The following PXDN variants were observed in gnomAD, a reference collection of about 807,000 sequenced individuals.
PXDN encodes peroxidasin, also known as peroxidasin homolog.
Under a neutral mutation model 140.3 loss-of-function variants are expected in PXDN, and 77 were observed. The observed-to-expected ratio is 0.55, with a 90% confidence interval of 0.46 to 0.66. PXDN has a LOEUF of 0.66. PXDN is among the 30% of genes least tolerant of loss of function. PXDN has a pLI of 0.00. For synonymous variants in PXDN, 911 were observed against 857.4 expected (o/e 1.06, Z -1.09); for missense variants, 1,838 against 2,039.5 (o/e 0.90, Z 1.90).
chr2:1,727,875 T>G (rs1344840714), intron 1 of PXDN, among the ~76,000 whole-genome samples: 1 of 152,252 alleles, frequency 6.6e-6, no homozygotes, highest in Admixed American at 6.5e-5. Context: ...GAAGATTGGT[T>G]AAGGACTGCT....
chr2:1,705,326 T>C (rs1684570500), intron 1 of PXDN, among the ~76,000 whole-genome samples: 2 of 152,154 alleles, frequency 1.3e-5, no homozygotes, highest in Admixed American at 6.5e-5. Flanking sequence ...GAGGCAGCCA[T>C]GTGCCACTCC....
chr2:1,634,587 C>T (rs538479000), intron 22 of PXDN, among the ~76,000 whole-genome samples: 9 of 152,306 alleles, frequency 5.9e-5, no homozygotes, highest in African/African-American at 1.9e-4. Context: ...TCCATGCCCA[C>T]GGTCCTCTCA....
At chr2:1,682,666 G>A (rs753095978) in intron 6 of PXDN, among the ~76,000 whole-genome samples, 1 of 152,254 alleles carries the variant, frequency 6.6e-6, no homozygotes, top group Non-Finnish European at 1.5e-5. Flanking sequence ...GAGGCCGGGT[G>A]CGGTGGCTCA....
Position 1,693,841 on chromosome 2 carries a change from A to G in PXDN, c.201-707T>C, listed in dbSNP as rs1558511856. 2.0e-5 allele frequency among the ~76,000 whole-genome samples: 3 copies of G among 152,180 alleles called. No individual in the cohort carries two copies. The East Asian group carries it at 5.8e-4, about 29-fold the overall frequency. ...ACTGAATCTGGTGCTGGAAAGAGAA[A>G]CACTTCAATTCCTGCTAATCTGATG... On this transcript the variant is annotated intron_variant, in intron 1 of 22. Coordinates refer to ENST00000252804, the MANE Select transcript of PXDN (RefSeq NM_012293.3).
At position 1,658,791 on chromosome 2, in the gene PXDN, C is replaced by G. The variant is rs1409354223; in HGVS notation, c.1837+2090G>C. On this transcript the variant is annotated intron_variant, in intron 14 of 22. Transcript: ENST00000252804. ...CGGGCTCATTCTGACCCCAGGACCC[C>G]CCCACTCTACTCTCCCAGACCAGGC... Among the ~76,000 whole-genome samples the G allele has an allele frequency of 2.9e-5, 4 of 138,774 alleles. No homozygotes were observed. In the East Asian group the frequency reaches 7.3e-4, roughly 25 times the overall value. 91.0% of individuals were successfully genotyped at this position (138,774 alleles called of 152,430 possible). A position where few individuals can be genotyped will look rare whatever the true frequency, so the allele number is the denominator to read the frequency against.
intron 1 of PXDN, among the ~76,000 whole-genome samples, chr2:1,737,169 A>G (rs1685440594): frequency 1.3e-5 from 2 of 152,282 alleles, no homozygotes; most frequent in South Asian, 4.2e-4. Flanking sequence ...TCTGGAATAA[A>G]CAAGACACCA....
At chr2:1,717,006 G>A (rs923914149) in intron 1 of PXDN, among the ~76,000 whole-genome samples, 3 of 152,138 alleles carry the variant, frequency 2.0e-5, no homozygotes, top group African/African-American at 4.8e-5. Context: ...ACTCTCAACA[G>A]CCCCTTGGTA....
At chr2:1,688,373 C>T (rs1294638416) in intron 3 of PXDN, among the ~76,000 whole-genome samples, 2 of 152,352 alleles carry the variant, frequency 1.3e-5, no homozygotes, top group Middle Eastern at 3.4e-3. Context: ...GCTGCGCTGG[C>T]GCTGTGTGGC....
At chr2:1,661,161 G>A (rs1349571549) in intron 13 of PXDN, 124 bp from the exon 14 acceptor site, 44 of 1,147,682 alleles carry the variant, frequency 3.8e-5, no homozygotes, top group Non-Finnish European at 4.7e-5. Context: ...CCCAGGCTGC[G>A]CTCAGATCCA....
rs1015645414 is a variant in PXDN, at chr2:1,639,475, G to A, written c.3953-53C>T. On this transcript the variant is annotated intron_variant, in intron 19 of 22. Transcript: ENST00000252804. The surrounding 1 kb of genome is among the most constrained non-coding windows in gnomAD (Gnocchi z 5.0). ...CAGCTCTGAAGGCTCTGACCTCGGG[G>A]AAATTAAGCACATCCTGCCAACTAT... The A allele has an allele frequency of 7.6e-5, 123 of 1,608,022 alleles. No individual in the cohort carries two copies. Among genetic ancestry groups the A allele is most frequent in the Non-Finnish European group, 9.8e-5 (115 of 1,175,566 alleles).
Position 1,648,541 on chromosome 2 carries a change from A to T in PXDN, c.3239T>A (p.Leu1080Gln). 6.2e-7 allele frequency: 1 copy of T among 1,613,704 alleles called. No individual in the cohort carries two copies. The highest frequency in any genetic ancestry group is 8.5e-7 in the Non-Finnish European group (1 of 1,179,900). ...GAAGTTCTCGTCCAGCCGGTAAAGC[A>T]GTGGGTTGACAAGCGTGTGGCCAAA... ...FRFGHTLVNP[L>Q]LYRLDENFQP... The change falls in exon 17 of 23, where the codon CTG becomes CAG. Residue 1080 changes from leucine (L) to glutamine (Q), a missense_variant. By Grantham distance (113) the Leu-to-Gln change is moderately radical (BLOSUM62 -2). Transcript: ENST00000252804. This position sits in a 1 kb window ranked among gnomAD's most constrained non-coding sequence, Gnocchi z 8.9.
At chr2:1,668,093 C>T (rs887631745) in intron 9 of PXDN, among the ~76,000 whole-genome samples, 1 of 152,134 alleles carries the variant, frequency 6.6e-6, no homozygotes, top group Non-Finnish European at 1.5e-5. Flanking sequence ...GATAGTGCTA[C>T]CGAAACAGAG....
chr2:1,734,423 C>T (rs56859967), intron 1 of PXDN, among the ~76,000 whole-genome samples: 25,934 of 152,104 alleles, frequency 0.17, 2,490 homozygotes, highest in East Asian at 0.42. Context: ...AGGGTGGTGG[C>T]TGCTGAAGGC....
chr2:1,666,613 C>T, intron 9 of PXDN, 127 bp from the exon 10 acceptor site: 1 of 1,209,274 alleles, frequency 8.3e-7, no homozygotes, highest in Non-Finnish European at 1.1e-6. Context: ...CACAACGTAA[C>T]TGCATATTTT....
At chr2:1,744,139 CCCGCGCGCCCGATGCCCCCTCCACCCT>C (rs1343736105) in intron 1 of PXDN, 90 bp downstream of exon 1, 4 of 1,095,784 alleles carry the variant, frequency 3.7e-6, no homozygotes, top group African/African-American at 1.7e-5. Flanking sequence ...CCCCAGGCCC[CCCGCGCGCCCGATGCCCCCTCCACCCT>C]CCGCGCCCCC....
chr2:1,741,377 G>A (rs573020474), intron 1 of PXDN, among the ~76,000 whole-genome samples: 6 of 152,200 alleles, frequency 3.9e-5, no homozygotes, highest in African/African-American at 7.2e-5. Flanking sequence ...GAGGGGAGGC[G>A]CTCTGCAGGA....
At position 1,649,247 on chromosome 2, in the gene PXDN, G is replaced by A; in HGVS notation, c.2533C>T (p.Gln845Ter). 6.2e-7 allele frequency: 1 copy of A among 1,613,150 alleles called. No individual in the cohort carries two copies. The highest frequency in any genetic ancestry group is 8.5e-7 in the Non-Finnish European group (1 of 1,179,756). Reference protein sequence around the residue: ...ALSQARFSDGQHCSNVCSNDP... With the variant: ...ALSQARFSDG ...TTGCTGCACACGTTGCTGCAGTGCTGTCCGTCGGAGAAGCGTGCCTGGCTC... is the reference window on the plus strand; with the variant it reads ...TTGCTGCACACGTTGCTGCAGTGCTATCCGTCGGAGAAGCGTGCCTGGCTC... Residue 845 changes from glutamine to a stop codon, truncating the protein, a stop_gained, in exon 17 of 23, where the codon CAG becomes TAG. Coordinates refer to ENST00000252804, the MANE Select transcript of PXDN (RefSeq NM_012293.3). LOFTEE classifies it high-confidence loss of function. The surrounding 1 kb of genome is among the most constrained non-coding windows in gnomAD (Gnocchi z 7.1).
At chr2:1,663,965 CAG>C in intron 11 of PXDN, 1 of 601,340 alleles carries the variant, frequency 1.7e-6, no homozygotes, top group South Asian at 2.1e-5. Context: ...GTAACTCAGA[CAG>C]AGGGGTTGAC....
intron 1 of PXDN, among the ~76,000 whole-genome samples, chr2:1,715,477 C>G (rs1054007980): frequency 2.0e-5 from 3 of 152,218 alleles, no homozygotes; most frequent in African/African-American, 7.2e-5. Context: ...TGCTGAGAAA[C>G]TGTAAACGCC....
Sources: gnomAD v4.1 joint callset for allele counts (sites outside exome capture counted in the v4.1 genomes callset) on GRCh38, gnomAD v4.1.1 for gene constraint, Gnocchi (gnomAD v3.1) non-coding constraint, MANE v1.5 for transcripts, NCBI Gene and HGNC (gene_info 2026-07-23, HGNC 2026-07-21) for gene names.